The following CCDC91 variants were observed in gnomAD, a reference collection of about 807,000 sequenced individuals.
CCDC91 encodes coiled-coil domain containing 91, also known as coiled-coil domain-containing protein 91.
Under a neutral mutation model 63.2 loss-of-function variants are expected in CCDC91, and 48 were observed. The observed-to-expected ratio is 0.76, with a 90% CI of 0.60 to 0.97. The LOEUF is 0.97. Ranked by LOEUF, CCDC91 falls within the 50% of genes least tolerant of loss-of-function variation. The probability of loss-of-function intolerance (pLI) is 0.00; values close to 1 mark genes in which losing one functional copy is unlikely to be tolerated. For missense variants in CCDC91, 500 were observed against 494.6 expected (o/e 1.01, Z -0.10); for synonymous variants, 167 against 165.8 (o/e 1.01, Z -0.06).
chr12:28,383,235 A>G (rs1057444636), intron 7 of CCDC91, among the ~76,000 whole-genome samples: 3 of 125,610 alleles, frequency 2.4e-5, no homozygotes, highest in East Asian at 2.3e-4. Context: ...TTGAATTTTC[A>G]TGTTTAGATC....
At chr12:28,496,975 T>A (rs1952334712) in intron 12 of CCDC91, among the ~76,000 whole-genome samples, 1 of 148,078 alleles carries the variant, frequency 6.8e-6, no homozygotes, top group South Asian at 2.1e-4. Context: ...GGATTTTTTG[T>A]AAATTTTAGT....
chr12:28,205,087 T>C (rs1942742570), intron 1 of CCDC91, among the ~76,000 whole-genome samples: 1 of 152,082 alleles, frequency 6.6e-6, no homozygotes, highest in African/African-American at 2.4e-5. Context: ...AGTTAATGAC[T>C]CGGCTAGTCT....
chr12:28,277,712 A>T (rs1370412100), intron 3 of CCDC91, among the ~76,000 whole-genome samples: 1 of 151,944 alleles, frequency 6.6e-6, no homozygotes, highest in Admixed American at 6.6e-5. Context: ...CAGATTTAAC[A>T]TCTCATCTGG....
At chr12:28,292,414 A>C (rs981238748) in intron 3 of CCDC91, among the ~76,000 whole-genome samples, 3 of 152,190 alleles carry the variant, frequency 2.0e-5, no homozygotes, top group Non-Finnish European at 4.4e-5. Context: ...TGGGCATATA[A>C]AATTTCTTGG....
intron 6 of CCDC91, among the ~76,000 whole-genome samples, chr12:28,334,718 G>A (rs1941792016): frequency 3.3e-5 from 5 of 152,070 alleles, no homozygotes; most frequent in Admixed American, 3.3e-4. Flanking sequence ...ATAAAGTAAG[G>A]AAATCCAATG....
At chr12:28,334,900 G>A (rs1941809918) in intron 6 of CCDC91, among the ~76,000 whole-genome samples, 1 of 151,344 alleles carries the variant, frequency 6.6e-6, no homozygotes, top group Non-Finnish European at 1.5e-5. Context: ...TAGCCTGTTC[G>A]TTTCATCAGT....
intron 6 of CCDC91, among the ~76,000 whole-genome samples, chr12:28,310,011 A>G: frequency 6.6e-6 from 1 of 152,002 alleles, no homozygotes; most frequent in Non-Finnish European, 1.5e-5. Context: ...CCTTCCCAGT[A>G]GTACTTGGCA....
At chr12:28,266,522 C>T (rs768071803) in intron 3 of CCDC91, among the ~76,000 whole-genome samples, 8 of 151,860 alleles carry the variant, frequency 5.3e-5, no homozygotes, top group Non-Finnish European at 1.0e-4. Context: ...TAATAAATTA[C>T]GGTGGTTCTA....
In CCDC91 at chr12:28,393,797, A is replaced by G. The variant is rs1481285355; in HGVS notation, c.762+2386A>G. ...CTTGAGAATTTTCTTTTTTCTATGA[A>G]TTCGGTGTTGAGCTTGTCTTTTTCT... On this transcript the variant is annotated intron_variant, in intron 8 of 12. Transcript: ENST00000536442. 2.6e-5 allele frequency among the ~76,000 whole-genome samples: 4 copies of G among 152,102 alleles called. No homozygotes were observed. In the East Asian group the frequency reaches 7.7e-4, roughly 29 times the overall value.
chr12:28,210,506 G>A (rs939847376), intron 1 of CCDC91, among the ~76,000 whole-genome samples: 1 of 152,034 alleles, frequency 6.6e-6, no homozygotes, highest in African/African-American at 2.4e-5. Flanking sequence ...TTTTAAATTG[G>A]ATTACTGGCT....
At chr12:28,439,649 G>A (rs1444189322) in intron 8 of CCDC91, among the ~76,000 whole-genome samples, 2 of 151,520 alleles carry the variant, frequency 1.3e-5, no homozygotes, top group East Asian at 3.9e-4. Flanking sequence ...AAACTGCCAT[G>A]TGTGATTGTG....
Position 28,299,220 on chromosome 12 carries a change from C to A in CCDC91, c.110-6429C>A, listed in dbSNP as rs187757361. On this transcript the variant is annotated intron_variant, in intron 3 of 12. Coordinates refer to ENST00000536442, the MANE Select transcript of CCDC91 (RefSeq NM_018318.5). ...ACTTTTATTGTGACTTACAGAAAAC[C>A]TTGAAGAAATGGACAAATAATTCCC... Among the ~76,000 whole-genome samples the A allele has an allele frequency of 2.6e-5, 4 of 151,658 alleles. No individual in the cohort carries two copies. The East Asian group carries it at 7.7e-4, about 29-fold the overall frequency.
intron 1 of CCDC91, among the ~76,000 whole-genome samples, chr12:28,198,136 A>G (rs1941926007): frequency 6.6e-6 from 1 of 152,160 alleles, no homozygotes; most frequent in Non-Finnish European, 1.5e-5. Flanking sequence ...TTTTCCTTGT[A>G]TTCAGAGAAG....
intron 1 of CCDC91, among the ~76,000 whole-genome samples, chr12:28,235,753 A>G (rs1430651316): frequency 1.3e-5 from 2 of 152,084 alleles, no homozygotes; most frequent in Non-Finnish European, 2.9e-5. Flanking sequence ...AGGTCTGAGT[A>G]TCATGTTTGA....
intron 11 of CCDC91, among the ~76,000 whole-genome samples, chr12:28,456,353 A>T (rs1302594687): frequency 6.6e-6 from 1 of 152,140 alleles, no homozygotes; most frequent in Non-Finnish European, 1.5e-5. Flanking sequence ...TATTTAGCTG[A>T]TAATGGTTGT....
At chr12:28,524,299 G>T (rs1264634824) in intron 12 of CCDC91, among the ~76,000 whole-genome samples, 4 of 152,096 alleles carry the variant, frequency 2.6e-5, no homozygotes, top group African/African-American at 9.7e-5. Flanking sequence ...CATGTCCCTT[G>T]TATGCCAATT....
intron 11 of CCDC91, among the ~76,000 whole-genome samples, chr12:28,464,238 G>A (rs1950445089): frequency 6.6e-6 from 1 of 152,180 alleles, no homozygotes; most frequent in Non-Finnish European, 1.5e-5. Context: ...GTGCTCTGGG[G>A]CCCAAAATGA....
chr12:28,494,632 A>G (rs1400053732), intron 12 of CCDC91, among the ~76,000 whole-genome samples: 1 of 151,712 alleles, frequency 6.6e-6, no homozygotes, highest in Non-Finnish European at 1.5e-5. Context: ...TGATGGTGAG[A>G]CACTAATGAT....
chr12:28,450,554 A>AG, intron 10 of CCDC91, 136 bp downstream of exon 10: 2 of 628,652 alleles, frequency 3.2e-6, no homozygotes. Context: ...TTACTTTTAA[A>AG]CTTAAGATAT....
Sources: gnomAD v4.1 joint callset for allele counts (sites outside exome capture counted in the v4.1 genomes callset) on GRCh38, gnomAD v4.1.1 for gene constraint, MANE v1.5 for transcripts, NCBI Gene and HGNC (gene_info 2026-07-23, HGNC 2026-07-21) for gene names.